Variants in TNR observed in about 807,000 individuals in gnomAD.
TNR encodes the protein tenascin-R.
In TNR, 45 loss-of-function variants were observed where a neutral mutation model predicts 150.4. The observed-to-expected ratio is 0.30, with a 90% CI of 0.24 to 0.38. The LOEUF (loss-of-function observed/expected upper bound fraction) is 0.38, where lower values mean the gene tolerates loss of function less well. TNR is among the 10% of genes least tolerant of loss of function. TNR has a pLI of 1.00. For missense variants in TNR, 1,544 were observed against 1,759.1 expected (o/e 0.88, Z 2.19); for synonymous variants, 687 against 678.4 (o/e 1.01, Z -0.20).
chr1:175,569,752 A>G (rs1661787816), intron 1 of TNR, among the ~76,000 whole-genome samples: 1 of 152,196 alleles, frequency 6.6e-6, no homozygotes, highest in South Asian at 2.1e-4. Context: ...ATTTGCAAAG[A>G]GCTTTACACT....
chr1:175,724,474 A>C (rs762075336), intron 1 of TNR, among the ~76,000 whole-genome samples: 1 of 152,102 alleles, frequency 6.6e-6, no homozygotes, highest in South Asian at 2.1e-4. Context: ...CCATGATCCA[A>C]TCACCTCCCA....
chr1:175,397,077 A>AAGAC (rs1318065626), intron 4 of TNR, among the ~76,000 whole-genome samples: 2 of 152,190 alleles, frequency 1.3e-5, no homozygotes, highest in African/African-American at 2.4e-5. Flanking sequence ...GGACTGTTTC[A>AAGAC]AGACTGTCGT....
chr1:175,386,162 G>A lies in TNR; in HGVS notation c.1647C>T (p.Thr549=), dbSNP rs1180788277. The change falls in exon 8 of 23, where the codon ACC becomes ACT. Residue 549 remains threonine, a synonymous_variant. Coordinates refer to ENST00000367674, the MANE Select transcript of TNR (RefSeq NM_003285.3). ...GGCTCAGGGGAGGCTGCAGCCGGAA[G>A]GTGGTCCTCCCACCTTCCCCGCCCA... ...GLVGGEGGRT[T]FRLQPPLSQY... The A allele has an allele frequency of 6.2e-7, 1 of 1,612,898 alleles. No homozygotes were observed. Among genetic ancestry groups the A allele is most frequent in the Non-Finnish European group, 8.5e-7 (1 of 1,179,160 alleles).
At chr1:175,387,435 C>G (rs1270978704) in intron 7 of TNR, among the ~76,000 whole-genome samples, 1 of 152,152 alleles carries the variant, frequency 6.6e-6, no homozygotes, top group Non-Finnish European at 1.5e-5. Context: ...CATTTTCTAC[C>G]ATTCTGATAC....
chr1:175,567,066 T>C (rs1402371455), intron 1 of TNR, among the ~76,000 whole-genome samples: 1 of 152,326 alleles, frequency 6.6e-6, no homozygotes, highest in East Asian at 1.9e-4. Flanking sequence ...TTTTTAAAAA[T>C]GATATCTCAA....
chr1:175,527,139 C>A (rs573126621), intron 2 of TNR, among the ~76,000 whole-genome samples: 1 of 152,204 alleles, frequency 6.6e-6, no homozygotes, highest in Non-Finnish European at 1.5e-5. Context: ...ACACCCTGGT[C>A]CACCTTCCAT....
chr1:175,429,272 T>A (rs565415246), intron 2 of TNR, among the ~76,000 whole-genome samples: 7 of 152,164 alleles, frequency 4.6e-5, no homozygotes, highest in Non-Finnish European at 8.8e-5. Flanking sequence ...AAGATAGATA[T>A]AGATGTATAT....
At chr1:175,449,900 A>T (rs1656227144) in intron 2 of TNR, among the ~76,000 whole-genome samples, 1 of 152,132 alleles carries the variant, frequency 6.6e-6, no homozygotes, top group Non-Finnish European at 1.5e-5. Context: ...CTGCCCGATC[A>T]CAGATGGACT....
At chr1:175,469,856 C>T (rs538668063) in intron 2 of TNR, among the ~76,000 whole-genome samples, 56 of 151,948 alleles carry the variant, frequency 3.7e-4, no homozygotes, top group Non-Finnish European at 4.7e-4. Context: ...AGGACAGAGA[C>T]GGGCCTGGAG....
At chr1:175,699,400 T>A (rs1483956394) in intron 1 of TNR, among the ~76,000 whole-genome samples, 1 of 152,198 alleles carries the variant, frequency 6.6e-6, no homozygotes, top group Non-Finnish European at 1.5e-5. Flanking sequence ...ACATCATGGA[T>A]TTTTTTGTTC....
chr1:175,637,332 T>C (rs928574937), intron 1 of TNR, among the ~76,000 whole-genome samples: 19 of 152,192 alleles, frequency 1.2e-4, no homozygotes, highest in African/African-American at 4.3e-4. Flanking sequence ...TCCATAATAA[T>C]GAAAGTAGAG....
At chr1:175,470,047 G>A (rs538450323) in intron 2 of TNR, among the ~76,000 whole-genome samples, 2 of 152,166 alleles carry the variant, frequency 1.3e-5, no homozygotes, top group Non-Finnish European at 1.5e-5. Context: ...GGCATGGTTG[G>A]TATAATCCAC....
intron 1 of TNR, among the ~76,000 whole-genome samples, chr1:175,634,358 C>T (rs1664427498): frequency 6.6e-6 from 1 of 152,204 alleles, no homozygotes. Context: ...ACATCCCCAT[C>T]AGCCTTGCCC....
intron 1 of TNR, among the ~76,000 whole-genome samples, chr1:175,561,381 A>C (rs1331660634): frequency 6.6e-6 from 1 of 152,192 alleles, no homozygotes; most frequent in Non-Finnish European, 1.5e-5. Context: ...AAGCAGCATA[A>C]TCATCATACA....
chr1:175,558,157 G>A (rs1321769149), intron 1 of TNR, among the ~76,000 whole-genome samples: 1 of 133,878 alleles, frequency 7.5e-6, no homozygotes, highest in Admixed American at 7.6e-5. Context: ...AGCATTGGGA[G>A]ATATACCTAA....
chr1:175,329,151 G>A (rs1235856701), intron 21 of TNR, among the ~76,000 whole-genome samples: 1 of 152,146 alleles, frequency 6.6e-6, no homozygotes, highest in African/African-American at 2.4e-5. Context: ...GTAACTGGAA[G>A]GACAACACCT....
intron 2 of TNR, among the ~76,000 whole-genome samples, chr1:175,410,486 A>G (rs1407795212): frequency 6.6e-6 from 1 of 152,190 alleles, no homozygotes; most frequent in Non-Finnish European, 1.5e-5. Flanking sequence ...AGAAGGCTGG[A>G]GGAGATGCTA....
chr1:175,320,697 C>CGTGTAT lies in TNR; in HGVS notation c.*2659_*2660insATACAC, dbSNP rs1648991345. ...GGCATGATCTTTTCTGCAGTATTTT[C>CGTGTAT]GTGTGTGTGTGTGTGTGTGTGTGTG... On this transcript the variant is annotated 3_prime_UTR_variant, in exon 23 of 23. Coordinates refer to ENST00000367674, the MANE Select transcript of TNR (RefSeq NM_003285.3). 6.8e-6 allele frequency: 1 copy of CGTGTAT among 146,320 alleles called. No homozygotes were observed. The highest frequency in any genetic ancestry group is 2.6e-5 in the African/African-American group (1 of 39,102). The allele number at this position is 146,320 out of a possible 1,614,324, so 9.1% of individuals were successfully genotyped here.
At chr1:175,452,278 G>A (rs554588761) in intron 2 of TNR, among the ~76,000 whole-genome samples, 2 of 152,354 alleles carry the variant, frequency 1.3e-5, no homozygotes, top group African/African-American at 4.8e-5. Context: ...CTGAGGCTCA[G>A]CAGTGAACAA....
Sources: allele counts gnomAD v4.1 joint callset (sites outside exome capture counted in the v4.1 genomes callset), GRCh38; gene constraint gnomAD v4.1.1; transcripts MANE v1.5; gene names NCBI Gene and HGNC (gene_info 2026-07-23, HGNC 2026-07-21).